The following SLCO4A1 variants were observed in gnomAD, a reference collection of about 807,000 sequenced individuals.
SLCO4A1 encodes the protein colon organic anion transporter.
SLCO4A1 carries 51 observed loss-of-function variants against 64.6 expected under a neutral mutation model. The ratio of observed to expected loss-of-function variants is 0.79; its 90% CI spans 0.63 to 1.00. SLCO4A1 has a LOEUF of 1.00. Ranked by LOEUF, SLCO4A1 falls within the 50% of genes least tolerant of loss-of-function variation. SLCO4A1 has a pLI of 0.00. For synonymous variants in SLCO4A1, 471 were observed against 444.9 expected (o/e 1.06, Z -0.74); for missense variants, 919 against 980.5 (o/e 0.94, Z 0.84).
At chr20:62,687,082 GAAGGGCACCCCCAAACAGGAGCAATGGGA>G (rs1255724688), downstream of SLCO4A1, among the ~76,000 whole-genome samples, 2 of 139,606 alleles carry the variant, frequency 1.4e-5, no homozygotes, top group African/African-American at 3.0e-5. Flanking sequence ...GGCACGATGG[GAAGGGCACCCCCAAACAGGAGCAATGGGA>G]AAGGGCACCC....
At chr20:62,675,039 G>A (rs993884687), downstream of SLCO4A1, among the ~76,000 whole-genome samples, 3 of 152,148 alleles carry the variant, frequency 2.0e-5, no homozygotes, top group Admixed American at 6.5e-5. Context: ...GGACTGTCCC[G>A]CTCCATGCCC....
chr20:62,664,867 CCA>C, intron 5 of SLCO4A1, 65 bp from the exon 6 acceptor site: 1 of 1,467,846 alleles, frequency 6.8e-7, no homozygotes, highest in Non-Finnish European at 9.2e-7. Flanking sequence ...AGTCTCTTCT[CCA>C]CACCCCGACC....
Position 62,661,022 on chromosome 20 carries a change from A to G in SLCO4A1, c.1010-42A>G. On this transcript the variant is annotated intron_variant, in intron 4 of 11. Transcript: ENST00000217159. This position sits in a 1 kb window ranked among gnomAD's most constrained non-coding sequence, Gnocchi z 5.2. ...TCTCTCGGAGAAGTCCACCTCCGGG[A>G]GCCCCCAGCCCCCAGCCCCAGCTCA... 1 of 581,076 alleles carries G rather than the reference A, an allele frequency of 1.7e-6. No individual in the cohort carries two copies. The highest frequency in any genetic ancestry group is 3.0e-5 in the East Asian group (1 of 33,334). 36.0% of individuals were successfully genotyped at this position (581,076 alleles called of 1,614,324 possible).
chr20:62,668,923 T>G lies in SLCO4A1; in HGVS notation c.1877-7T>G, dbSNP rs912719785. On this transcript the variant is annotated splice_polypyrimidine_tract_variant and splice_region_variant and intron_variant, in intron 10 of 11. Transcript: ENST00000217159. ...AGTGTGGGTGCTGAGTGGGCTTCTC[T>G]CCGCAGGGGGCATCCCGGGGCCCAT... The G allele has an allele frequency of 3.7e-6, 6 of 1,600,422 alleles. No homozygotes were observed. The Admixed American group carries it at 5.0e-5, about 13-fold the overall frequency.
At position 62,661,245 on chromosome 20, in the gene SLCO4A1, G is replaced by A. The variant is rs577585360; in HGVS notation, c.1121+70G>A. On this transcript the variant is annotated intron_variant, in intron 5 of 11. Coordinates refer to ENST00000217159, the MANE Select transcript of SLCO4A1 (RefSeq NM_016354.4). The surrounding 1 kb of genome is among the most constrained non-coding windows in gnomAD (Gnocchi z 5.2). ...TAATGGTCCCCATCTTGGGGGAGTC[G>A]TTGAGACCCCTCCGGGATCATGATG... The A allele has an allele frequency of 2.9e-5, 31 of 1,087,476 alleles. No individual in the cohort carries two copies. The East Asian group carries it at 3.3e-4, about 12-fold the overall frequency. 67.4% of individuals were successfully genotyped at this position (1,087,476 alleles called of 1,614,324 possible).
intron 7 of SLCO4A1, 125 bp downstream of exon 7, chr20:62,666,700 C>T (rs189525703): frequency 3.9e-5 from 33 of 849,052 alleles, no homozygotes; most frequent in African/African-American, 8.4e-5. Context: ...CACAGGACAG[C>T]GGCAAGGGCA....
At position 62,656,662 on chromosome 20, in the gene SLCO4A1, C is replaced by CG. The variant is rs759177725; in HGVS notation, c.213dup (p.Thr72AspfsTer3). The CG allele has an allele frequency of 1.9e-6, 3 of 1,604,840 alleles. No individual in the cohort carries two copies. The Admixed American group carries it at 5.1e-5, about 27-fold the overall frequency. ...GCTCTGGGCCGAGAAGCATGGCGCCCGGGGGACCCATGAGGTGCGGTACGT... is the reference window on the plus strand; with the variant it reads ...GCTCTGGGCCGAGAAGCATGGCGCCCGGGGGGACCCATGAGGTGCGGTACGT... On this transcript the variant is annotated frameshift_variant, in exon 2 of 12. Coordinates refer to ENST00000217159, the MANE Select transcript of SLCO4A1 (RefSeq NM_016354.4). LOFTEE classifies it high-confidence loss of function.
chr20:62,667,445 C>A, intron 7 of SLCO4A1: 1 of 380,816 alleles, frequency 2.6e-6, no homozygotes, highest in Non-Finnish European at 4.7e-6. Flanking sequence ...TGTATTTGAT[C>A]CATATGAATG....
At chr20:62,666,121 C>CCCCCTTCCCCGTCCCCTT in intron 6 of SLCO4A1, 1 of 37,156 alleles carries the variant, frequency 2.7e-5, no homozygotes, top group Non-Finnish European at 5.4e-5. Context: ...CCCCCCCGCT[C>CCCCCTTCCCCGTCCCCTT]CCCCTTCCCC....
intron 6 of SLCO4A1, chr20:62,665,374 G>A (rs764901168): frequency 2.3e-5 from 9 of 383,886 alleles, no homozygotes; most frequent in Non-Finnish European, 3.7e-5. Flanking sequence ...GTGACTTGGT[G>A]CAGGAAGGGT....
At chr20:62,672,388 C>T (rs1027702559), downstream of SLCO4A1, 7 of 720,776 alleles carry the variant, frequency 9.7e-6, no homozygotes, top group African/African-American at 1.9e-5. Context: ...CTGTGGAATC[C>T]GTGGATATGA....
downstream of SLCO4A1, among the ~76,000 whole-genome samples, chr20:62,689,649 C>T (rs776543201): frequency 2.6e-5 from 4 of 152,204 alleles, no homozygotes; most frequent in Admixed American, 6.5e-5. Flanking sequence ...TCCTGGGGAC[C>T]GCCCCTTTCC....
chr20:62,658,659 C>T lies in SLCO4A1; in HGVS notation c.797-18C>T. ...TGGGTGGTGCACAGCGGCCCTGACG[C>T]CTCTGCCTCTCTCGCAGCCATCTTC... On this transcript the variant is annotated intron_variant, in intron 2 of 11. Transcript: ENST00000217159. 1.2e-6 allele frequency: 2 copies of T among 1,601,888 alleles called. No homozygotes were observed. Among genetic ancestry groups the T allele is most frequent in the South Asian group, 2.2e-5 (2 of 89,224 alleles).
In SLCO4A1 at chr20:62,660,405, TC is replaced by T; in HGVS notation, c.888-5del. On this transcript the variant is annotated splice_region_variant and splice_polypyrimidine_tract_variant and intron_variant, in intron 3 of 11. Transcript: ENST00000217159. ...CGCTGACCCAGGTGCCACTGCCTCTTCCACAGGACGGAGCTGACCACCGAGA... is the reference window on the plus strand; with the variant it reads ...CGCTGACCCAGGTGCCACTGCCTCTTCACAGGACGGAGCTGACCACCGAGA... The T allele has an allele frequency of 6.3e-7, 1 of 1,595,790 alleles. No homozygotes were observed.
At position 62,645,085 on chromosome 20, in the gene SLCO4A1, C is replaced by T. The variant is rs866287081; in HGVS notation, c.-97+2532C>T. Among the ~76,000 whole-genome samples, 4 of 152,342 alleles carry T rather than the reference C, an allele frequency of 2.6e-5. No homozygotes were observed. Among genetic ancestry groups the T allele is most frequent in the East Asian group, 1.9e-4 (1 of 5,184 alleles). On this transcript the variant is annotated intron_variant, in intron 1 of 11. Transcript: ENST00000217159. The surrounding 1 kb of genome is among the most constrained non-coding windows in gnomAD (Gnocchi z 4.2). ...AGTCCTCAGACCTTGCTGTTGCCTT[C>T]GTTCTGGGACATGGACCACTGTCTG...
intron 1 of SLCO4A1, among the ~76,000 whole-genome samples, chr20:62,646,634 G>A (rs1369761933): frequency 6.6e-6 from 1 of 152,256 alleles, no homozygotes; most frequent in Non-Finnish European, 1.5e-5. Flanking sequence ...CGGACAGGGT[G>A]GATTTCCATT....
chr20:62,662,241 A>G (rs917822971), intron 5 of SLCO4A1, among the ~76,000 whole-genome samples: 1 of 151,572 alleles, frequency 6.6e-6, no homozygotes, highest in Non-Finnish European at 1.5e-5. Context: ...ACCCTGATAG[A>G]CCCCCCAAAG....
chr20:62,652,848 G>A (rs1056363254), intron 1 of SLCO4A1, among the ~76,000 whole-genome samples: 2 of 152,236 alleles, frequency 1.3e-5, no homozygotes, highest in African/African-American at 4.8e-5. Flanking sequence ...TCCCGGCAGT[G>A]TCCAAGGTCA....
At chr20:62,646,799 T>G (rs865881827) in intron 1 of SLCO4A1, among the ~76,000 whole-genome samples, 1 of 152,388 alleles carries the variant, frequency 6.6e-6, no homozygotes, top group South Asian at 2.1e-4. Context: ...AGCCTCCGTC[T>G]TCTTCTCAAA....
Sources: allele counts gnomAD v4.1 joint callset (sites outside exome capture counted in the v4.1 genomes callset), GRCh38; gene constraint gnomAD v4.1.1; non-coding constraint Gnocchi (gnomAD v3.1); transcripts MANE v1.5; gene names NCBI Gene and HGNC (gene_info 2026-07-23, HGNC 2026-07-21).